CD300A: variants seen among roughly 807,000 people sequenced by gnomAD.
CD300A encodes CD300a molecule, also known as CMRF35-like molecule 8.
In CD300A, 22 loss-of-function variants were observed where a neutral mutation model predicts 33.6. The ratio of observed to expected loss-of-function variants is 0.66; its 90% CI spans 0.47 to 0.94. The LOEUF (loss-of-function observed/expected upper bound fraction) is 0.94. Ranked by LOEUF, CD300A falls within the 40% of genes least tolerant of loss-of-function variation. The pLI, the probability that CD300A is intolerant of heterozygous loss-of-function variation, is 0.00. For missense variants in CD300A, 326 were observed against 360.5 expected (o/e 0.90, Z 0.77); for synonymous variants, 136 against 148.1 (o/e 0.92, Z 0.59).
At chr17:74,481,605 G>A (rs1472157140) in intron 5 of CD300A, 121 bp from the exon 6 acceptor site, 1 of 740,634 alleles carries the variant, frequency 1.4e-6, no homozygotes, top group Non-Finnish European at 2.3e-6. Flanking sequence ...GTGGAGGCAG[G>A]AAGGGGAAGG....
chr17:74,483,624 T>C (rs1441295484), intron 6 of CD300A, among the ~76,000 whole-genome samples: 2 of 152,196 alleles, frequency 1.3e-5, no homozygotes, highest in African/African-American at 4.8e-5. Flanking sequence ...CCCAAAGTGC[T>C]GGGATTAAGG....
intron 1 of CD300A, among the ~76,000 whole-genome samples, chr17:74,472,174 G>A (rs989104431): frequency 6.6e-6 from 1 of 150,620 alleles, no homozygotes. Flanking sequence ...GGAGGCAGAG[G>A]TTGCAATGAG....
chr17:74,481,333 G>A lies in CD300A; in HGVS notation c.666+7G>A. ...GTCCCAGAACCCCAAGCAGGTAAGG[G>A]GGCTTTAGCAGGAGGTGTATCAGGT... is the stretch of plus-strand genomic sequence containing the variant. On this transcript the variant is annotated splice_region_variant and intron_variant, in intron 5 of 6. Transcript: ENST00000360141. The A allele has an allele frequency of 6.2e-7, 1 of 1,613,736 alleles. No individual in the cohort carries two copies. The highest frequency in any genetic ancestry group is 8.5e-7 in the Non-Finnish European group (1 of 1,179,774).
intron 1 of CD300A, chr17:74,470,112 A>ATAT (rs1905996138): frequency 3.0e-6 from 3 of 985,234 alleles, no homozygotes; most frequent in Non-Finnish European, 3.6e-6. Context: ...CTGGTAGAGG[A>ATAT]CCCTGGCCCC....
chr17:74,481,539 G>T, intron 5 of CD300A, 187 bp from the exon 6 acceptor site: 1 of 653,394 alleles, frequency 1.5e-6, no homozygotes, highest in East Asian at 2.7e-5. Context: ...TGGAATGAAG[G>T]GAGGCCCTCC....
chr17:74,476,205 GT>G (rs1164577954), intron 3 of CD300A, among the ~76,000 whole-genome samples: 1 of 152,148 alleles, frequency 6.6e-6, no homozygotes, highest in African/African-American at 2.4e-5. Context: ...GGTCTTTCTG[GT>G]GACCAGCCCC....
chr17:74,473,253 G>A (rs1305151007), intron 1 of CD300A, among the ~76,000 whole-genome samples: 1 of 152,158 alleles, frequency 6.6e-6, no homozygotes, highest in Non-Finnish European at 1.5e-5. Context: ...GGAGTCAGGG[G>A]CTGAGGGCTG....
Position 74,473,043 on chromosome 17 carries a change from G to C in CD300A, c.41-493G>C, listed in dbSNP as rs541805677. On this transcript the variant is annotated intron_variant, in intron 1 of 6. Transcript: ENST00000360141. Reference sequence around the variant, plus strand: ...CTGGGGTGGCCCTCCCGGGAGTGCAGGTGCTTAGGGGTGAGTTCTCATGCT... The same window carrying C: ...CTGGGGTGGCCCTCCCGGGAGTGCACGTGCTTAGGGGTGAGTTCTCATGCT... Among the ~76,000 whole-genome samples, 15 of 152,226 alleles carry C rather than the reference G, an allele frequency of 9.9e-5. No homozygotes were observed. In the South Asian group the frequency reaches 3.1e-3, roughly 32 times the overall value.
Position 74,484,218 on chromosome 17 carries a change from GC to G in CD300A, c.*95del. ...ACCTGGCCCACGTCCTTCTCAGCCT[GC>G]CCTCGACAACAGTGACCAACAGACA... On this transcript the variant is annotated 3_prime_UTR_variant, in exon 7 of 7. Coordinates refer to ENST00000360141, the MANE Select transcript of CD300A (RefSeq NM_007261.4). The G allele has an allele frequency of 7.1e-7, 1 of 1,405,378 alleles. No homozygotes were observed. The highest frequency in any genetic ancestry group is 9.8e-7 in the Non-Finnish European group (1 of 1,020,604). 87.1% of individuals were successfully genotyped at this position (1,405,378 alleles called of 1,614,324 possible).
In CD300A at chr17:74,473,672, C is replaced by T. The variant is rs1906259841; in HGVS notation, c.177C>T (p.Asp59=). ...GACCACCACAGATTTTCCTATGTGA[C>T]AAGATTGTGGAGACCAAAGGGTCAG... The part of the protein sequence containing the change: ...WCRPPQIFLC[D]KIVETKGSAG... Residue 59 remains aspartate, a synonymous_variant, in exon 2 of 7, where the codon GAC becomes GAT. Coordinates refer to ENST00000360141, the MANE Select transcript of CD300A (RefSeq NM_007261.4). 3 of 1,614,116 alleles carry T rather than the reference C, an allele frequency of 1.9e-6. No individual in the cohort carries two copies. Among genetic ancestry groups the T allele is most frequent in the Non-Finnish European group, 2.5e-6 (3 of 1,180,060 alleles).
At chr17:74,478,686 A>G (rs903133257) in intron 4 of CD300A, among the ~76,000 whole-genome samples, 3 of 152,182 alleles carry the variant, frequency 2.0e-5, no homozygotes, top group Non-Finnish European at 4.4e-5. Flanking sequence ...ATCTTTGTCC[A>G]AAGCCTTCCA....
intron 6 of CD300A, 78 bp downstream of exon 6, chr17:74,481,911 G>A: frequency 9.9e-7 from 1 of 1,012,616 alleles, no homozygotes; most frequent in Non-Finnish European, 1.5e-6. Flanking sequence ...GGGCAGAAGG[G>A]GAAGGAAGGG....
chr17:74,478,931 C>T lies in CD300A; in HGVS notation c.628+1401C>T, dbSNP rs939802443. 3.9e-5 allele frequency among the ~76,000 whole-genome samples: 6 copies of T among 152,326 alleles called. No individual in the cohort carries two copies. In the South Asian group the frequency reaches 1.2e-3, roughly 32 times the overall value. On this transcript the variant is annotated intron_variant, in intron 4 of 6. Coordinates refer to ENST00000360141, the MANE Select transcript of CD300A (RefSeq NM_007261.4). ...GTGTGTCATTTTCTGGTAATCCCAT[C>T]CTAAACTTCAGCACCCACGTGGATG...
rs940442331 is a variant in CD300A, at chr17:74,469,237, A to T, written c.40+2494A>T. 2.6e-5 allele frequency among the ~76,000 whole-genome samples: 4 copies of T among 152,002 alleles called. No individual in the cohort carries two copies. In the South Asian group the frequency reaches 6.2e-4, roughly 24 times the overall value. ...TCATTTTTGGTCTACATTAAAAAAA[A>T]TCTAGCTGGGTGCAGTGGCTCACAC... On this transcript the variant is annotated intron_variant, in intron 1 of 6. Coordinates refer to ENST00000360141, the MANE Select transcript of CD300A (RefSeq NM_007261.4).
At chr17:74,472,288 C>T (rs1042916598) in intron 1 of CD300A, among the ~76,000 whole-genome samples, 2 of 151,986 alleles carry the variant, frequency 1.3e-5, no homozygotes, top group African/African-American at 4.8e-5. Flanking sequence ...AAGAGCAAGC[C>T]CCCATCCCCA....
intron 6 of CD300A, among the ~76,000 whole-genome samples, chr17:74,483,452 G>A (rs2001768): frequency 0.2 from 31,000 of 151,342 alleles, 3,968 homozygotes; most frequent in East Asian, 0.43. Flanking sequence ...CGCCTCCCCG[G>A]TTCAAGCGAT....
intron 4 of CD300A, among the ~76,000 whole-genome samples, chr17:74,478,883 T>A (rs1051209762): frequency 2.8e-4 from 42 of 152,128 alleles, no homozygotes; most frequent in Non-Finnish European, 3.5e-4. Flanking sequence ...AGAAAACCAC[T>A]TCCTCTTTCC....
At chr17:74,470,377 A>G (rs936011728) in intron 1 of CD300A, 27 of 360,736 alleles carry the variant, frequency 7.5e-5, no homozygotes, top group African/African-American at 5.5e-4. Context: ...AGAGAAGAGA[A>G]GTTAATCAGG....
At chr17:74,477,198 C>T (rs1906522015) in intron 3 of CD300A, among the ~76,000 whole-genome samples, 1 of 151,856 alleles carries the variant, frequency 6.6e-6, no homozygotes, top group African/African-American at 2.4e-5. Flanking sequence ...AAGATTGAGT[C>T]TCTACGAAAA....
Sources: gnomAD v4.1 joint callset for allele counts (sites outside exome capture counted in the v4.1 genomes callset) on GRCh38, gnomAD v4.1.1 for gene constraint, MANE v1.5 for transcripts, NCBI Gene and HGNC (gene_info 2026-07-23, HGNC 2026-07-21) for gene names.